IL1RAPL1: variants seen among roughly 807,000 people sequenced by gnomAD.
IL1RAPL1 encodes interleukin 1 receptor accessory protein like 1.
A neutral mutation model predicts 48.4 loss-of-function variants in IL1RAPL1; 3 were observed. That is an observed-to-expected ratio of 0.06 (90% CI 0.03 to 0.16). The LOEUF (loss-of-function observed/expected upper bound fraction) is 0.16, where lower values mean the gene tolerates loss of function less well. Ranked by LOEUF, IL1RAPL1 falls within the 10% of genes least tolerant of loss-of-function variation. IL1RAPL1 has a pLI of 1.00. For synonymous variants in IL1RAPL1, 185 were observed against 187.7 expected, an observed-to-expected ratio of 0.99 and a Z score of 0.12; for missense variants, 349 against 530.6, an observed-to-expected ratio of 0.66 and a Z score of 3.36.
chrX:29,246,282 GCAACCTATTTAC>G (rs1324825190), intron 2 of IL1RAPL1, among the ~76,000 whole-genome samples: 2 of 107,051 alleles, frequency 1.9e-5, no homozygotes, highest in Non-Finnish European at 3.8e-5. Flanking sequence ...CCCCACCTCA[GCAACCTATTTAC>G]CAACATGCAA....
chrX:28,964,587 T>A (rs1039308529), intron 2 of IL1RAPL1, among the ~76,000 whole-genome samples: 5 of 112,024 alleles, frequency 4.5e-5, no homozygotes, highest in Non-Finnish European at 7.5e-5. Context: ...GCAAAAGGTA[T>A]GTGCAGTTTG....
chrX:29,576,231 ATCT>A (rs749960152), intron 5 of IL1RAPL1, among the ~76,000 whole-genome samples: 35 of 111,767 alleles, frequency 3.1e-4, no homozygotes, highest in African/African-American at 1.1e-3. Flanking sequence ...GGGTCCTGTA[ATCT>A]TCTTTTTTAA....
At chrX:29,425,351 G>T (rs759336093) in intron 5 of IL1RAPL1, among the ~76,000 whole-genome samples, 1 of 111,482 alleles carries the variant, frequency 9.0e-6, no homozygotes, top group Non-Finnish European at 1.9e-5. Flanking sequence ...AGGTTCTGAG[G>T]GCAGGGAACA....
At chrX:28,739,029 A>G (rs985164033) in intron 1 of IL1RAPL1, among the ~76,000 whole-genome samples, 2 of 111,411 alleles carry the variant, frequency 1.8e-5, no homozygotes, top group African/African-American at 6.5e-5. Context: ...TTGCAAAAAG[A>G]CAAAGGTCTT....
chrX:29,912,338 G>A (rs12839040), intron 6 of IL1RAPL1, among the ~76,000 whole-genome samples: 7,379 of 111,571 alleles, frequency 0.066, 255 homozygotes, highest in Admixed American at 0.16. Context: ...AAAGTTCAAA[G>A]GATATTAAGC....
chrX:28,818,993 C>A (rs1936900329), intron 2 of IL1RAPL1, among the ~76,000 whole-genome samples: 1 of 110,260 alleles, frequency 9.1e-6, no homozygotes, highest in Non-Finnish European at 1.9e-5. Context: ...TAGTTTTATT[C>A]CTCTGTCTCC....
chrX:28,697,958 A>G (rs925836082), intron 1 of IL1RAPL1, among the ~76,000 whole-genome samples: 1 of 111,188 alleles, frequency 9.0e-6, no homozygotes, highest in Non-Finnish European at 1.9e-5. Flanking sequence ...CAAAATGAGG[A>G]AGTTATGTCC....
chrX:28,951,161 T>C (rs1924452788), intron 2 of IL1RAPL1, among the ~76,000 whole-genome samples: 1 of 98,064 alleles, frequency 1.0e-5, no homozygotes, highest in African/African-American at 3.7e-5. Context: ...TTGGGAGATA[T>C]ACCTAATGCT....
chrX:28,673,773 C>T (rs1934971480), intron 1 of IL1RAPL1, among the ~76,000 whole-genome samples: 1 of 111,592 alleles, frequency 9.0e-6, no homozygotes, highest in Non-Finnish European at 1.9e-5. Flanking sequence ...CAATGTAGAT[C>T]CTCAGTGTTG....
At chrX:28,901,225 A>G (rs1923067538) in intron 2 of IL1RAPL1, among the ~76,000 whole-genome samples, 1 of 111,876 alleles carries the variant, frequency 8.9e-6, no homozygotes, top group African/African-American at 3.2e-5. Flanking sequence ...ACATCAACTA[A>G]TTTTATACTA....
intron 5 of IL1RAPL1, among the ~76,000 whole-genome samples, chrX:29,548,142 CG>C (rs971464513): frequency 1.8e-5 from 2 of 112,544 alleles, no homozygotes; most frequent in East Asian, 2.8e-4. Context: ...AGATCTGAAA[CG>C]AAACACCTGT....
intron 1 of IL1RAPL1, among the ~76,000 whole-genome samples, chrX:28,728,017 A>C (rs909704065): frequency 3.6e-5 from 4 of 110,940 alleles, no homozygotes; most frequent in Non-Finnish European, 7.6e-5. Context: ...ACATGTATAC[A>C]TATGTAACTA....
chrX:29,222,391 CT>C (rs957821623), intron 2 of IL1RAPL1, among the ~76,000 whole-genome samples: 1 of 111,596 alleles, frequency 9.0e-6, no homozygotes, highest in African/African-American at 3.3e-5. Context: ...ACTAAGCTCC[CT>C]GAAGGGAGAG....
chrX:29,296,750 T>G (rs1446314108), intron 3 of IL1RAPL1, among the ~76,000 whole-genome samples: 2 of 111,425 alleles, frequency 1.8e-5, no homozygotes, highest in Non-Finnish European at 3.8e-5. Context: ...TTCAAATATT[T>G]TAAGTTCCGG....
At chrX:28,606,505 A>C (rs1466239872) in intron 1 of IL1RAPL1, among the ~76,000 whole-genome samples, 2 of 112,309 alleles carry the variant, frequency 1.8e-5, no homozygotes, top group Admixed American at 1.9e-4. Flanking sequence ...CTCATCTAGT[A>C]AAGATAAAGA....
In IL1RAPL1 at chrX:29,933,568, C is replaced by T. The variant is rs761485964; in HGVS notation, c.1058-8083C>T. Among the ~76,000 whole-genome samples, 172 of 105,513 alleles carry T rather than the reference C, an allele frequency of 1.6e-3. 2 individuals are homozygous for T. Among genetic ancestry groups the T allele is most frequent in the African/African-American group, 5.8e-3 (166 of 28,738 alleles). 91.6% of individuals were successfully genotyped at this position (105,513 alleles called of 115,157 possible). A position where few individuals can be genotyped will look rare whatever the true frequency, so the allele number is the denominator to read the frequency against. On this transcript the variant is annotated intron_variant, in intron 8 of 10. Transcript: ENST00000378993. ...TTGGGTTTGTTCTTAATCATCTAATCAGTCATTCATTTTCACTGAATATCT... is the reference window on the plus strand; with the variant it reads ...TTGGGTTTGTTCTTAATCATCTAATTAGTCATTCATTTTCACTGAATATCT...
intron 2 of IL1RAPL1, among the ~76,000 whole-genome samples, chrX:29,130,739 A>C (rs1929003123): frequency 1.8e-5 from 2 of 112,019 alleles, no homozygotes; most frequent in African/African-American, 6.5e-5. Context: ...ACTGGAGAGG[A>C]GTAATAGTAG....
At chrX:29,255,820 A>T (rs1171789667) in intron 2 of IL1RAPL1, among the ~76,000 whole-genome samples, 1 of 111,625 alleles carries the variant, frequency 9.0e-6, no homozygotes, top group Non-Finnish European at 1.9e-5. Flanking sequence ...GTAGTATTCC[A>T]TGGTGTATAT....
chrX:28,957,081 T>G (rs770929480), intron 2 of IL1RAPL1, among the ~76,000 whole-genome samples: 38 of 110,893 alleles, frequency 3.4e-4, no homozygotes, highest in African/African-American at 1.1e-3. Context: ...TGATGGTAGT[T>G]TGTATTTCTG....
Sources: gnomAD v4.1 joint callset for allele counts (sites outside exome capture counted in the v4.1 genomes callset) on GRCh38, gnomAD v4.1.1 for gene constraint, MANE v1.5 for transcripts, NCBI Gene and HGNC (gene_info 2026-07-23, HGNC 2026-07-21) for gene names.